Variants in GALNTL6 observed in about 807,000 individuals in gnomAD.
GALNTL6 encodes polypeptide N-acetylgalactosaminyltransferase like 6.
GALNTL6 carries 46 observed loss-of-function variants against 73.7 expected under a neutral mutation model. The observed-to-expected ratio is 0.62, with a 90% CI of 0.49 to 0.80. The LOEUF (loss-of-function observed/expected upper bound fraction) is 0.80. Among genes scored for constraint, GALNTL6 ranks in the 30% least tolerant of loss-of-function variants. GALNTL6 has a pLI of 0.00. For synonymous variants in GALNTL6, 259 were observed against 263.7 expected (o/e 0.98, Z 0.17); for missense variants, 604 against 755.0 (o/e 0.80, Z 2.34).
At chr4:173,039,173 A>G (rs1054160761) in intron 12 of GALNTL6, among the ~76,000 whole-genome samples, 2 of 152,192 alleles carry the variant, frequency 1.3e-5, no homozygotes, top group African/African-American at 2.4e-5. Flanking sequence ...TGCATCATGT[A>G]CCTGGGGGCT....
At chr4:172,813,837 C>T in intron 7 of GALNTL6, 114 bp downstream of exon 7, 1 of 743,388 alleles carries the variant, frequency 1.3e-6, no homozygotes, top group East Asian at 2.7e-5. Context: ...AAACAGGCGG[C>T]AACAATATGC....
In GALNTL6 at chr4:172,809,588, GGAACT is replaced by G; in HGVS notation, c.739+45_739+49del. ...AAGCACCATCCTGGGATGCCTCAGG[GGAACT>G]GAGCGGTTTGCTTCTATTTAGTTTG... On this transcript the variant is annotated intron_variant, in intron 6 of 12. Transcript: ENST00000506823. The surrounding 1 kb of genome is among the most constrained non-coding windows in gnomAD (Gnocchi z 4.4). 6.7e-7 allele frequency: 1 copy of G among 1,494,562 alleles called. No individual in the cohort carries two copies. The highest frequency in any genetic ancestry group is 9.1e-7 in the Non-Finnish European group (1 of 1,100,234). The allele number at this position is 1,494,562 out of a possible 1,614,324, so 92.6% of individuals were successfully genotyped here.
chr4:171,957,545 G>A (rs990306415), intron 2 of GALNTL6, among the ~76,000 whole-genome samples: 3 of 152,196 alleles, frequency 2.0e-5, no homozygotes, highest in African/African-American at 7.2e-5. Context: ...TAAATGCGTG[G>A]AGGAACAGTA....
intron 5 of GALNTL6, among the ~76,000 whole-genome samples, chr4:172,394,189 A>G (rs1400816846): frequency 1.3e-5 from 2 of 152,094 alleles, no homozygotes; most frequent in African/African-American, 4.8e-5. Flanking sequence ...TAAACTAATT[A>G]CTATATAATA....
chr4:171,817,444 C>T (rs964819948), intron 2 of GALNTL6, among the ~76,000 whole-genome samples: 7 of 151,184 alleles, frequency 4.6e-5, no homozygotes, highest in African/African-American at 1.7e-4. Context: ...AATAATTTTT[C>T]TATCTAGTAT....
At chr4:172,501,592 T>C (rs1188133436) in intron 5 of GALNTL6, among the ~76,000 whole-genome samples, 6 of 152,126 alleles carry the variant, frequency 3.9e-5, no homozygotes. Context: ...AAGTATGTAC[T>C]TACAGGAGAC....
chr4:172,182,622 A>C (rs969224401), intron 2 of GALNTL6, among the ~76,000 whole-genome samples: 1 of 151,504 alleles, frequency 6.6e-6, no homozygotes, highest in Non-Finnish European at 1.5e-5. Context: ...CCCTGAGGGA[A>C]TATCCATCAA....
At chr4:172,139,757 C>T (rs1733754419) in intron 2 of GALNTL6, among the ~76,000 whole-genome samples, 1 of 152,118 alleles carries the variant, frequency 6.6e-6, no homozygotes, top group African/African-American at 2.4e-5. Context: ...GATCATGTCC[C>T]CCTCACGGGA....
chr4:172,626,222 A>G (rs1739165042), intron 5 of GALNTL6, among the ~76,000 whole-genome samples: 1 of 152,104 alleles, frequency 6.6e-6, no homozygotes, highest in African/African-American at 2.4e-5. Context: ...GGTCAGTTTC[A>G]TTCTACTGCA....
At chr4:172,472,940 A>G (rs557962860) in intron 5 of GALNTL6, among the ~76,000 whole-genome samples, 35 of 152,186 alleles carry the variant, frequency 2.3e-4, no homozygotes, top group Non-Finnish European at 4.9e-4. Context: ...GAGAGTGTTT[A>G]GCGTTTTTGC....
intron 2 of GALNTL6, among the ~76,000 whole-genome samples, chr4:172,196,238 C>G (rs1735764726): frequency 6.6e-6 from 1 of 152,140 alleles, no homozygotes; most frequent in South Asian, 2.1e-4. Context: ...CCTCCCAAGA[C>G]TGAAATACGA....
At chr4:172,610,988 A>C (rs1738507487) in intron 5 of GALNTL6, among the ~76,000 whole-genome samples, 1 of 151,994 alleles carries the variant, frequency 6.6e-6, no homozygotes, top group South Asian at 2.1e-4. Flanking sequence ...GTTTTGTCTG[A>C]AATTAGAATA....
chr4:171,902,656 G>A (rs955867487), intron 2 of GALNTL6, among the ~76,000 whole-genome samples: 1 of 152,184 alleles, frequency 6.6e-6, no homozygotes, highest in African/African-American at 2.4e-5. Flanking sequence ...ATTGAAAGAA[G>A]CGAAGTGAAT....
chr4:171,844,238 C>T (rs1481580372), intron 2 of GALNTL6, among the ~76,000 whole-genome samples: 1 of 152,098 alleles, frequency 6.6e-6, no homozygotes. Context: ...GAGGATGAAA[C>T]TCAGGGTCAT....
chr4:172,797,593 G>A (rs1215299713), intron 5 of GALNTL6, among the ~76,000 whole-genome samples: 1 of 151,798 alleles, frequency 6.6e-6, no homozygotes, highest in Non-Finnish European at 1.5e-5. Context: ...TGTTGCCCAG[G>A]CTGAATCACG....
At chr4:172,598,318 G>A (rs914379821) in intron 5 of GALNTL6, among the ~76,000 whole-genome samples, 7 of 151,968 alleles carry the variant, frequency 4.6e-5, no homozygotes, top group African/African-American at 7.2e-5. Flanking sequence ...AGTTTGAGGC[G>A]AGTGACCTCT....
chr4:172,624,232 A>C (rs542711535), intron 5 of GALNTL6, among the ~76,000 whole-genome samples: 13 of 152,206 alleles, frequency 8.5e-5, no homozygotes, highest in Non-Finnish European at 1.0e-4. Flanking sequence ...TCAAATGCAG[A>C]ACTTAACAGG....
At chr4:172,377,997 G>A (rs796145737) in intron 5 of GALNTL6, among the ~76,000 whole-genome samples, 19 of 151,976 alleles carry the variant, frequency 1.3e-4, no homozygotes, top group African/African-American at 4.4e-4. Flanking sequence ...ACAGTGCAGC[G>A]GCAGGCTGAA....
intron 5 of GALNTL6, among the ~76,000 whole-genome samples, chr4:172,788,744 A>G (rs1162017532): frequency 6.6e-6 from 1 of 151,984 alleles, no homozygotes; most frequent in Non-Finnish European, 1.5e-5. Flanking sequence ...ACTTGAATAC[A>G]TAAGAGGTGA....
Sources: allele counts gnomAD v4.1 joint callset (sites outside exome capture counted in the v4.1 genomes callset), GRCh38; gene constraint gnomAD v4.1.1; non-coding constraint Gnocchi (gnomAD v3.1); transcripts MANE v1.5; gene names NCBI Gene and HGNC (gene_info 2026-07-23, HGNC 2026-07-21).